KIF16B: variants seen among roughly 807,000 people sequenced by gnomAD.
KIF16B encodes the protein kinesin family member 16B.
KIF16B carries 98 observed loss-of-function variants against 156.3 expected under a neutral mutation model. The ratio of observed to expected loss-of-function variants is 0.63; its 90% CI spans 0.53 to 0.74. KIF16B has a LOEUF of 0.74. Among genes scored for constraint, KIF16B ranks in the 30% least tolerant of loss-of-function variants. KIF16B has a pLI of 0.00. For synonymous variants in KIF16B, 564 were observed against 583.7 expected (o/e 0.97, Z 0.49); for missense variants, 1,421 against 1,606.5 (o/e 0.88, Z 1.97).
chr20:16,459,928 A>G (rs889481521), intron 12 of KIF16B, among the ~76,000 whole-genome samples: 2 of 152,196 alleles, frequency 1.3e-5, no homozygotes, highest in African/African-American at 4.8e-5. Context: ...AAACTGTCAA[A>G]TGCATGTATG....
At chr20:16,482,100 C>T (rs187241217) in intron 12 of KIF16B, among the ~76,000 whole-genome samples, 1 of 152,206 alleles carries the variant, frequency 6.6e-6, no homozygotes, top group East Asian at 1.9e-4. Context: ...TAGTCATCTT[C>T]CTCCTTGGAA....
intron 1 of KIF16B, among the ~76,000 whole-genome samples, chr20:16,548,413 C>G (rs1448799422): frequency 6.6e-6 from 1 of 152,186 alleles, no homozygotes; most frequent in African/African-American, 2.4e-5. Context: ...GGTCATGAAG[C>G]AGTACTGGTC....
At chr20:16,477,045 C>T (rs2067835302) in intron 12 of KIF16B, among the ~76,000 whole-genome samples, 1 of 152,110 alleles carries the variant, frequency 6.6e-6, no homozygotes, top group South Asian at 2.1e-4. Context: ...CTGCGCCGGG[C>T]CTGGATACCG....
At chr20:16,323,967 G>A (rs992628770) in intron 24 of KIF16B, among the ~76,000 whole-genome samples, 3 of 151,750 alleles carry the variant, frequency 2.0e-5, no homozygotes, top group African/African-American at 7.3e-5. Flanking sequence ...CCAAAGCCCG[G>A]TGTCAGTTTC....
At chr20:16,339,341 C>CTT (rs1273840515) in intron 23 of KIF16B, among the ~76,000 whole-genome samples, 13 of 152,190 alleles carry the variant, frequency 8.5e-5, no homozygotes. Flanking sequence ...CACTGCTACA[C>CTT]TTTTATCTTA....
At position 16,379,091 on chromosome 20, in the gene KIF16B, C is replaced by T. The variant is rs2065023858; in HGVS notation, c.2911G>A (p.Ala971Thr). ...ATGTTGGCAGTGAATTCAAAGGTGG[C>T]TTGGAGCTTTTGCAGCTGGTTTGCA... ...ANANQLQKLQ[A>T]TFEFTANIAR... Residue 971 changes from alanine to threonine, a missense_variant, in exon 19 of 26, where the codon GCC (alanine) becomes ACC (threonine). Transcript: ENST00000354981. 6.2e-7 allele frequency: 1 copy of T among 1,612,284 alleles called. No individual in the cohort carries two copies. The highest frequency in any genetic ancestry group is 8.5e-7 in the Non-Finnish European group (1 of 1,178,944).
intron 22 of KIF16B, among the ~76,000 whole-genome samples, chr20:16,360,461 A>C (rs1178200800): frequency 2.0e-5 from 3 of 152,106 alleles, no homozygotes; most frequent in Non-Finnish European, 4.4e-5. Context: ...TAGACTCTGA[A>C]GGGAAAGTTG....
intron 12 of KIF16B, among the ~76,000 whole-genome samples, chr20:16,437,991 A>T (rs2066692189): frequency 6.7e-6 from 1 of 148,426 alleles, no homozygotes. Context: ...AAAAATAATA[A>T]AAAAAAAAAA....
intron 17 of KIF16B, among the ~76,000 whole-genome samples, chr20:16,396,039 T>C (rs2065492094): frequency 6.6e-6 from 1 of 152,176 alleles, no homozygotes; most frequent in African/African-American, 2.4e-5. Context: ...AAGATTCAGC[T>C]ACAAAGCTCT....
chr20:16,366,841 C>A, intron 22 of KIF16B: 1 of 1,080,438 alleles, frequency 9.3e-7, no homozygotes, highest in Non-Finnish European at 1.1e-6. Context: ...GACACGAAAA[C>A]AAACAATCAG....
intron 19 of KIF16B, among the ~76,000 whole-genome samples, chr20:16,375,259 T>C (rs1417534567): frequency 1.3e-5 from 2 of 152,158 alleles, no homozygotes; most frequent in Non-Finnish European, 2.9e-5. Flanking sequence ...GGAAGTTATT[T>C]AAACACGGGT....
At chr20:16,480,762 T>C (rs1316014621) in intron 12 of KIF16B, among the ~76,000 whole-genome samples, 1 of 152,226 alleles carries the variant, frequency 6.6e-6, no homozygotes, top group East Asian at 1.9e-4. Flanking sequence ...ATACCATCTC[T>C]TCACACTTTG....
At chr20:16,565,364 T>C (rs1453456106) in intron 1 of KIF16B, among the ~76,000 whole-genome samples, 2 of 152,298 alleles carry the variant, frequency 1.3e-5, no homozygotes, top group East Asian at 3.9e-4. Context: ...TGTACCTTCA[T>C]GAGAGAATGA....
In KIF16B at chr20:16,571,684, CAG is replaced by C. The variant is rs1266908366; in HGVS notation, c.47+1543_47+1544del. On this transcript the variant is annotated intron_variant, in intron 1 of 25. Transcript: ENST00000354981. The stretch of plus-strand genomic sequence containing the variant: ...TCGCTCTGTCACTGATGCTGGAGTG[CAG>C]AGGCACGGTGTCGGCTCACTGCCAG... 3.3e-5 allele frequency among the ~76,000 whole-genome samples: 5 copies of C among 150,848 alleles called. No individual in the cohort carries two copies. In the East Asian group the frequency reaches 9.7e-4, roughly 29 times the overall value.
In KIF16B at chr20:16,379,693, C is replaced by T. The variant is rs187121842; in HGVS notation, c.2309G>A (p.Arg770Gln). 5.1e-5 allele frequency: 83 copies of T among 1,614,162 alleles called. 1 individual carries two copies. Among genetic ancestry groups the T allele is most frequent in the Non-Finnish European group, 5.8e-5 (68 of 1,180,036 alleles). The change falls in exon 19 of 26, where the codon CGA becomes CAA. Residue 770 changes from arginine to glutamine, a missense_variant. By Grantham distance (43) the Arg-to-Gln change is conservative. Transcript: ENST00000354981. ...MLVAHLEEQL[R>Q]EKQEMIQLLR... is the part of the protein sequence containing the mutation. The stretch of plus-strand genomic sequence containing the variant: ...GAGCTGGATCATCTCCTGCTTCTCT[C>T]GGAGCTGCTCTTCCAGATGGGCCAC...
chr20:16,441,173 G>T (rs562444836), intron 12 of KIF16B, among the ~76,000 whole-genome samples: 4 of 152,128 alleles, frequency 2.6e-5, no homozygotes, highest in Admixed American at 6.6e-5. Flanking sequence ...AACAGCTAAC[G>T]GAAAGGATTA....
chr20:16,364,653 T>C (rs1018143538), intron 22 of KIF16B, among the ~76,000 whole-genome samples: 4 of 152,314 alleles, frequency 2.6e-5, no homozygotes, highest in African/African-American at 9.6e-5. Flanking sequence ...ACAACCTTAA[T>C]ACTTACTTCA....
intron 15 of KIF16B, among the ~76,000 whole-genome samples, chr20:16,414,212 A>T (rs2066030130): frequency 6.6e-6 from 1 of 152,082 alleles, no homozygotes; most frequent in Non-Finnish European, 1.5e-5. Context: ...ATAGGAAAAG[A>T]TGAAGATGGA....
At chr20:16,550,484 G>A (rs1378908586) in intron 1 of KIF16B, among the ~76,000 whole-genome samples, 7 of 139,836 alleles carry the variant, frequency 5.0e-5, no homozygotes, top group East Asian at 2.2e-4. Context: ...TATCATTTTC[G>A]TTTTTTTTCC....
Sources: gnomAD v4.1 joint callset for allele counts (sites outside exome capture counted in the v4.1 genomes callset) on GRCh38, gnomAD v4.1.1 for gene constraint, MANE v1.5 for transcripts, NCBI Gene and HGNC (gene_info 2026-07-23, HGNC 2026-07-21) for gene names.